The following C8B variants were observed in gnomAD, a reference collection of about 807,000 sequenced individuals.
The protein encoded by C8B is complement component C8 beta chain.
In C8B, 67 loss-of-function variants were observed where a neutral mutation model predicts 64.6. The observed-to-expected ratio is 1.04, with a 90% CI of 0.85 to 1.27. C8B has a LOEUF of 1.27. Ranked by LOEUF, C8B falls within the 50% of genes most tolerant of loss-of-function variation. C8B has a pLI of 0.00. For synonymous variants in C8B, 284 were observed against 257.7 expected (o/e 1.10, Z -0.98); for missense variants, 790 against 725.2 (o/e 1.09, Z -1.03).
intron 9 of C8B, among the ~76,000 whole-genome samples, chr1:56,940,453 C>T (rs1390900280): frequency 2.0e-5 from 3 of 151,810 alleles, no homozygotes; most frequent in Admixed American, 1.3e-4. Flanking sequence ...ACCTATAACC[C>T]TGGCTACTTA....
At chr1:56,965,008 T>C (rs914404985) in intron 1 of C8B, among the ~76,000 whole-genome samples, 4 of 152,226 alleles carry the variant, frequency 2.6e-5, no homozygotes, top group African/African-American at 7.2e-5. Flanking sequence ...TGGTTCCTAA[T>C]GGCAGCTCAA....
intron 5 of C8B, among the ~76,000 whole-genome samples, chr1:56,951,133 A>G (rs1645014959): frequency 6.6e-6 from 1 of 152,160 alleles, no homozygotes; most frequent in African/African-American, 2.4e-5. Context: ...GCTGGAGTGC[A>G]GTGGTACGAC....
intron 10 of C8B, among the ~76,000 whole-genome samples, chr1:56,932,454 A>G (rs1297594821): frequency 6.6e-6 from 1 of 152,110 alleles, no homozygotes; most frequent in Non-Finnish European, 1.5e-5. Flanking sequence ...CCTTCACTCT[A>G]TAGCCTCAGG....
In C8B at chr1:56,931,797, C is replaced by T. The variant is rs1264896528; in HGVS notation, c.1621+13G>A. 1 of 1,589,552 alleles carries T rather than the reference C, an allele frequency of 6.3e-7. No individual in the cohort carries two copies. The highest frequency in any genetic ancestry group is 1.3e-5 in the African/African-American group (1 of 74,402). ...TCTGGACCTCCCCAGAGTTCCTTTT[C>T]CAATTAACTTACTCTTCCGATAGGA... On this transcript the variant is annotated intron_variant, in intron 11 of 11. Transcript: ENST00000371237.
At chr1:56,946,145 G>T in intron 6 of C8B, 84 bp from the exon 7 acceptor site, 2 of 1,521,362 alleles carry the variant, frequency 1.3e-6, no homozygotes, top group Non-Finnish European at 1.8e-6. Context: ...AATACCATCC[G>T]ATGTTCTTGG....
chr1:56,959,543 T>C, intron 2 of C8B: 2 of 1,517,960 alleles, frequency 1.3e-6, no homozygotes, highest in South Asian at 2.4e-5. Flanking sequence ...GAAAGCAGCA[T>C]GAAGAAACGC....
intron 1 of C8B, chr1:56,964,161 T>C (rs1169998988): frequency 3.5e-5 from 7 of 197,722 alleles, no homozygotes; most frequent in Non-Finnish European, 6.4e-5. Flanking sequence ...ACCCACCTCA[T>C]GATGTTGTAG....
chr1:56,946,205 G>T, intron 6 of C8B, 144 bp from the exon 7 acceptor site: 2 of 937,564 alleles, frequency 2.1e-6, no homozygotes, highest in Non-Finnish European at 3.3e-6. Flanking sequence ...AGGGAAGACA[G>T]CCTCTTTGAC....
intron 8 of C8B, 149 bp from the exon 9 acceptor site, chr1:56,941,161 C>A: frequency 2.2e-6 from 2 of 899,044 alleles, no homozygotes; most frequent in South Asian, 1.4e-5. Flanking sequence ...GTCCACAGGG[C>A]AGTCATGGTG....
At chr1:56,935,748 C>T (rs924360463) in intron 9 of C8B, among the ~76,000 whole-genome samples, 3 of 152,166 alleles carry the variant, frequency 2.0e-5, no homozygotes, top group African/African-American at 2.4e-5. Context: ...AGTAGATTGA[C>T]GAAAGTCACA....
intron 3 of C8B, 111 bp downstream of exon 3, chr1:56,956,658 G>A (rs964938084): frequency 1.1e-5 from 13 of 1,185,948 alleles, no homozygotes; most frequent in Non-Finnish European, 1.5e-5. Flanking sequence ...GAGGCCTCCT[G>A]AGCTGCCCCA....
chr1:56,953,124 G>A (rs1645050141), intron 4 of C8B, among the ~76,000 whole-genome samples: 1 of 152,132 alleles, frequency 6.6e-6, no homozygotes, highest in Admixed American at 6.6e-5. Context: ...TTTTAGAGAG[G>A]AAAAGAATCC....
At chr1:56,943,575 A>G (rs1644896350) in intron 8 of C8B, 121 bp downstream of exon 8, 2 of 1,133,262 alleles carry the variant, frequency 1.8e-6, no homozygotes, top group Non-Finnish European at 2.7e-6. Flanking sequence ...ACAGAAGGAC[A>G]TAGTTGGCCT....
chr1:56,943,500 G>A (rs1251714779), intron 8 of C8B, among the ~76,000 whole-genome samples, 196 bp downstream of exon 8: 1 of 152,190 alleles, frequency 6.6e-6, no homozygotes, highest in African/African-American at 2.4e-5. Context: ...TTCATATAAA[G>A]TTCAAAAATA....
At chr1:56,956,715 A>C in intron 3 of C8B, 54 bp downstream of exon 3, 40 of 1,602,804 alleles carry the variant, frequency 2.5e-5, no homozygotes, top group Non-Finnish European at 3.1e-5. Flanking sequence ...TTGGTCATCA[A>C]GAACCATTAC....
At chr1:56,951,538 A>T (rs574018644) in intron 5 of C8B, among the ~76,000 whole-genome samples, 12 of 152,188 alleles carry the variant, frequency 7.9e-5, no homozygotes, top group Admixed American at 2.6e-4. Context: ...GCTTAGAGTA[A>T]TGCCTGCTTT....
At chr1:56,952,255 A>G in intron 4 of C8B, 75 bp from the exon 5 acceptor site, 1 of 1,597,666 alleles carries the variant, frequency 6.3e-7, no homozygotes, top group Non-Finnish European at 8.5e-7. Context: ...GACCCTACTG[A>G]ACGAAAACAA....
chr1:56,951,968 G>A, intron 5 of C8B, 80 bp downstream of exon 5: 5 of 446,304 alleles, frequency 1.1e-5, no homozygotes, highest in Non-Finnish European at 1.7e-5. Flanking sequence ...AGGGCTAGCA[G>A]GCTGTCAGGC....
chr1:56,943,105 TA>T (rs900941367), intron 8 of C8B, among the ~76,000 whole-genome samples: 6 of 150,508 alleles, frequency 4.0e-5, no homozygotes, highest in East Asian at 3.9e-4. Context: ...AAAAAATAAA[TA>T]AAAAAAAGCT....
Sources: allele counts gnomAD v4.1 joint callset (sites outside exome capture counted in the v4.1 genomes callset), GRCh38; gene constraint gnomAD v4.1.1; transcripts MANE v1.5; gene names NCBI Gene and HGNC (gene_info 2026-07-23, HGNC 2026-07-21).